Variants in PDE3A observed in about 807,000 individuals in gnomAD.
PDE3A encodes phosphodiesterase 3A.
PDE3A carries 43 observed loss-of-function variants against 98.3 expected under a neutral mutation model. The ratio of observed to expected loss-of-function variants is 0.44; its 90% CI spans 0.34 to 0.56. PDE3A has a LOEUF of 0.56. Ranked by LOEUF, PDE3A falls within the 20% of genes least tolerant of loss-of-function variation. The pLI is 0.01. For missense variants in PDE3A, 1,427 were observed against 1,440.7 expected, an observed-to-expected ratio of 0.99 and a Z score of 0.15; for synonymous variants, 663 against 567.9, an observed-to-expected ratio of 1.17 and a Z score of -2.38.
Position 20,687,221 on chromosome 12 carries a change from G to C in PDE3A, c.*6950G>C, listed in dbSNP as rs1262254046. 6.6e-6 allele frequency among the ~76,000 whole-genome samples: 1 copy of C among 152,158 alleles called. No individual in the cohort carries two copies. The highest frequency in any genetic ancestry group is 1.9e-4 in the East Asian group (1 of 5,166). ...GTATATAAAGTGTTGGTTCATAGCA[G>C]TTTCCTTGTCCCTTTTCTTTTTAAA... On this transcript the variant is annotated 3_prime_UTR_variant, in exon 16 of 16. Transcript: ENST00000359062.
chr12:20,653,016 G>A (rs961559557), intron 14 of PDE3A, among the ~76,000 whole-genome samples: 16 of 152,074 alleles, frequency 1.1e-4, no homozygotes, highest in Non-Finnish European at 1.9e-4. Flanking sequence ...AAATTAAAGG[G>A]AAAATTCATG....
rs1451959382 is a variant in PDE3A at position 20,369,584 on chromosome 12, G to A, written c.300G>A (p.Glu100=). ...EQCKEAAAAE[E]EEAAPGAEGG... is the part of the protein sequence containing the mutation. ...GTAAGGAGGCGGCGGCGGCGGAGGA[G>A]GAGGAAGCAGCCCCGGGAGCAGAAG... The change falls in exon 1 of 16, where the codon GAG becomes GAA. Residue 100 remains glutamate (E), a synonymous_variant. Transcript: ENST00000359062. The A allele has an allele frequency of 1.3e-6, 2 of 1,558,104 alleles. No individual in the cohort carries two copies. Among genetic ancestry groups the A allele is most frequent in the South Asian group, 1.2e-5 (1 of 84,658 alleles).
At chr12:20,621,542 A>C in intron 5 of PDE3A, 131 bp downstream of exon 5, 1 of 569,744 alleles carries the variant, frequency 1.8e-6, no homozygotes, top group Non-Finnish European at 3.1e-6. Flanking sequence ...TCTAATAACC[A>C]ATTAGTTATT....
At chr12:20,643,801 T>G (rs1350201420) in intron 10 of PDE3A, among the ~76,000 whole-genome samples, 1 of 152,176 alleles carries the variant, frequency 6.6e-6, no homozygotes, top group African/African-American at 2.4e-5. Flanking sequence ...GATTAATTGC[T>G]TGTTGAAAGT....
chr12:20,613,827 C>T lies in PDE3A; in HGVS notation c.1269+127C>T, dbSNP rs7308311. 5.4e-3 allele frequency: 3,515 copies of T among 653,846 alleles called. 88 individuals carry two copies. In the African/African-American group the frequency reaches 0.057, roughly 11 times the overall value. 40.5% of individuals were successfully genotyped at this position (653,846 alleles called of 1,614,324 possible). ...AGTGACTCAGGCAAAATGTGTTGAT[C>T]GTGGTGACAGAAGTAATAAATATTT... On this transcript the variant is annotated intron_variant, in intron 3 of 15. Coordinates refer to ENST00000359062, the MANE Select transcript of PDE3A (RefSeq NM_000921.5).
intron 2 of PDE3A, among the ~76,000 whole-genome samples, chr12:20,570,588 G>A (rs536352050): frequency 1.0e-3 from 157 of 152,124 alleles, no homozygotes; most frequent in African/African-American, 3.7e-3. Context: ...TAAGGCAGTG[G>A]TTTTCCTAAA....
chr12:20,557,000 ACT>A (rs1942385591), intron 2 of PDE3A: 2 of 345,716 alleles, frequency 5.8e-6, no homozygotes, highest in Non-Finnish European at 1.0e-5. Flanking sequence ...TCAGCAACCC[ACT>A]CTCTTTATTC....
intron 3 of PDE3A, 94 bp downstream of exon 3, chr12:20,613,794 T>G: frequency 5.7e-6 from 5 of 874,088 alleles, no homozygotes; most frequent in Non-Finnish European, 7.2e-6. Flanking sequence ...CATCTGCAGA[T>G]TCATATCAGT....
chr12:20,647,108 C>A (rs539106348), intron 12 of PDE3A, among the ~76,000 whole-genome samples, 158 bp downstream of exon 12: 14 of 152,216 alleles, frequency 9.2e-5, no homozygotes, highest in African/African-American at 3.4e-4. Context: ...GAAAAGAAGC[C>A]ATGGATTCTT....
rs1229050256 is a variant in PDE3A at position 20,368,564 on chromosome 12, C to CG, written c.-720dup. The stretch of plus-strand genomic sequence containing the variant: ...TAGTCTCTCGGTCTGGCTCTCTCTC[C>CG]GACGGGACTTAGCAACTTCTTATTT... On this transcript the variant is annotated 5_prime_UTR_variant, in exon 1 of 16. Coordinates refer to ENST00000359062, the MANE Select transcript of PDE3A (RefSeq NM_000921.5). Among the ~76,000 whole-genome samples, 1 of 151,914 alleles carries CG rather than the reference C, an allele frequency of 6.6e-6. No individual in the cohort carries two copies. Among genetic ancestry groups the CG allele is most frequent in the East Asian group, 1.9e-4 (1 of 5,154 alleles).
intron 2 of PDE3A, among the ~76,000 whole-genome samples, chr12:20,608,390 TTC>T (rs1387838801): frequency 6.6e-6 from 1 of 152,154 alleles, no homozygotes; most frequent in Non-Finnish European, 1.5e-5. Flanking sequence ...TATTTTTTTT[TTC>T]CAATAGTAGA....
At chr12:20,595,179 T>C (rs1943435565) in intron 2 of PDE3A, among the ~76,000 whole-genome samples, 1 of 152,158 alleles carries the variant, frequency 6.6e-6, no homozygotes, top group Admixed American at 6.5e-5. Flanking sequence ...TTTTTTATTC[T>C]CTCTACTCTG....
intron 1 of PDE3A, among the ~76,000 whole-genome samples, chr12:20,489,675 T>C (rs1205594802): frequency 6.6e-6 from 1 of 152,154 alleles, no homozygotes; most frequent in Non-Finnish European, 1.5e-5. Context: ...GTTAATCCCC[T>C]TTTTTGCCTC....
At chr12:20,418,495 A>G (rs990632069) in intron 1 of PDE3A, among the ~76,000 whole-genome samples, 2 of 152,186 alleles carry the variant, frequency 1.3e-5, no homozygotes, top group Admixed American at 1.3e-4. Context: ...TTTAGGGGAT[A>G]TACTTTCCTC....
At position 20,486,747 on chromosome 12, in the gene PDE3A, C is replaced by T. The variant is rs376392318; in HGVS notation, c.961-69913C>T. 1.4e-4 allele frequency among the ~76,000 whole-genome samples: 22 copies of T among 152,282 alleles called. No individual in the cohort carries two copies. In the South Asian group the frequency reaches 4.4e-3, roughly 30 times the overall value. ...CTTCCAGGTTCAAGCAATTCTCATGCGTCAGCCTCCCAGGTAGCTGGGATT... is the reference window on the plus strand; with the variant it reads ...CTTCCAGGTTCAAGCAATTCTCATGTGTCAGCCTCCCAGGTAGCTGGGATT... On this transcript the variant is annotated intron_variant, in intron 1 of 15. Transcript: ENST00000359062.
chr12:20,510,269 A>T (rs1047940671), intron 1 of PDE3A, among the ~76,000 whole-genome samples: 1 of 152,072 alleles, frequency 6.6e-6, no homozygotes, highest in South Asian at 2.1e-4. Flanking sequence ...ATTGCTATAC[A>T]AATTTGTCAG....
In PDE3A at chr12:20,369,666, C is replaced by A; in HGVS notation, c.382C>A (p.Pro128Thr). 1 of 1,606,892 alleles carries A rather than the reference C, an allele frequency of 6.2e-7. No individual in the cohort carries two copies. Among genetic ancestry groups the A allele is most frequent in the Non-Finnish European group, 8.5e-7 (1 of 1,177,552 alleles). The part of the protein sequence containing the change: ...GAPGGGARLS[P>T]WLQPSALLFS... Reference sequence around the variant, plus strand: ...TCCCGGGGGCGGTGCGCGGCTCAGCCCCTGGCTGCAGCCCTCGGCGCTGCT... The same window carrying A: ...TCCCGGGGGCGGTGCGCGGCTCAGCACCTGGCTGCAGCCCTCGGCGCTGCT... Residue 128 changes from proline to threonine, a missense_variant, in exon 1 of 16, where the codon CCC becomes ACC. Pro to Thr is a conservative substitution (Grantham distance 38). Around this residue, in one of 3 missense-constraint regions of PDE3A, gnomAD observed 1,012 missense variants for 886.5 expected, o/e 1.14. Coordinates refer to ENST00000359062, the MANE Select transcript of PDE3A (RefSeq NM_000921.5).
intron 1 of PDE3A, among the ~76,000 whole-genome samples, chr12:20,541,170 C>T (rs1014602992): frequency 7.4e-6 from 1 of 135,400 alleles, no homozygotes; most frequent in African/African-American, 2.7e-5. Flanking sequence ...AATCGTAGCT[C>T]ACTATAGCCT....
chr12:20,385,231 A>G (rs910689626), intron 1 of PDE3A, among the ~76,000 whole-genome samples: 1 of 152,040 alleles, frequency 6.6e-6, no homozygotes, highest in Admixed American at 6.6e-5. Context: ...AATCAAAACC[A>G]CAATGAGATA....
Sources: allele counts gnomAD v4.1 joint callset (sites outside exome capture counted in the v4.1 genomes callset), GRCh38; gene constraint gnomAD v4.1.1; regional missense constraint gnomAD v4.1.1; transcripts MANE v1.5; gene names NCBI Gene and HGNC (gene_info 2026-07-23, HGNC 2026-07-21).